The following PKHD1 variants were observed in gnomAD, a reference collection of about 807,000 sequenced individuals.
PKHD1 encodes PKHD1 ciliary IPT domain containing fibrocystin/polyductin.
A neutral mutation model predicts 412.0 loss-of-function variants in PKHD1; 291 were observed. The observed-to-expected ratio is 0.71, with a 90% CI of 0.64 to 0.78. The LOEUF (loss-of-function observed/expected upper bound fraction) is 0.78, where lower values mean the gene tolerates loss of function less well. PKHD1 is among the 30% of genes least tolerant of loss of function. PKHD1 has a pLI of 0.00. For synonymous variants in PKHD1, 1,777 were observed against 1,821.5 expected (o/e 0.98, Z 0.62); for missense variants, 4,825 against 4,950.7 (o/e 0.97, Z 0.76).
intron 27 of PKHD1, among the ~76,000 whole-genome samples, chr6:52,041,268 C>A (rs541244847): frequency 1.3e-5 from 2 of 152,294 alleles, no homozygotes; most frequent in South Asian, 4.1e-4. Context: ...TTTAAATACC[C>A]CAGAGCATCA....
intron 21 of PKHD1, 56 bp from the exon 22 acceptor site, chr6:52,050,351 G>A: frequency 8.2e-6 from 13 of 1,579,578 alleles, no homozygotes; most frequent in South Asian, 3.3e-5. Flanking sequence ...GACTTGCTGT[G>A]TGGAAAATCC....
chr6:51,743,239 C>T (rs1213616979), intron 60 of PKHD1, among the ~76,000 whole-genome samples: 1 of 151,780 alleles, frequency 6.6e-6, no homozygotes, highest in Non-Finnish European at 1.5e-5. Context: ...TAGTGAGAGA[C>T]AATGGTGGCT....
chr6:51,773,562 A>G (rs752666610), intron 54 of PKHD1, among the ~76,000 whole-genome samples: 5 of 151,540 alleles, frequency 3.3e-5, no homozygotes, highest in African/African-American at 7.2e-5. Context: ...TAAAAAATAT[A>G]CACATATATG....
chr6:52,014,694 CTGGATAGATGGATGGATGGATGGATGGA>C (rs1324110330), intron 34 of PKHD1, among the ~76,000 whole-genome samples: 73 of 121,686 alleles, frequency 6.0e-4, no homozygotes, highest in Non-Finnish European at 9.8e-4. Context: ...GATGAATATA[CTGGATAGATGGATGGATGGATGGATGGA>C]TGGATGGATG....
chr6:51,997,254 T>A (rs1300775377), intron 35 of PKHD1, among the ~76,000 whole-genome samples: 1 of 152,134 alleles, frequency 6.6e-6, no homozygotes, highest in African/African-American at 2.4e-5. Context: ...GGAAGAGACA[T>A]GGAAAGAGCC....
intron 47 of PKHD1, among the ~76,000 whole-genome samples, chr6:51,868,564 T>C (rs992384083): frequency 6.6e-6 from 1 of 152,078 alleles, no homozygotes; most frequent in African/African-American, 2.4e-5. Context: ...AAAATGCCAA[T>C]AGTGCCAAGG....
chr6:51,657,949 C>A (rs1027453219), intron 61 of PKHD1, among the ~76,000 whole-genome samples: 1 of 151,984 alleles, frequency 6.6e-6, no homozygotes, highest in South Asian at 2.1e-4. Context: ...TCTCTCTAGA[C>A]AAAAATTATT....
intron 37 of PKHD1, among the ~76,000 whole-genome samples, chr6:51,928,429 G>A (rs1583419883): frequency 6.6e-6 from 1 of 152,262 alleles, no homozygotes; most frequent in East Asian, 1.9e-4. Flanking sequence ...CTAAAATTGT[G>A]TCGGTTGCAT....
intron 55 of PKHD1, among the ~76,000 whole-genome samples, chr6:51,758,013 AAAGAGAGAGAGAGAG>A (rs1562245570): frequency 3.0e-5 from 3 of 99,428 alleles, no homozygotes. Context: ...GACCCTGCCA[AAAGAGAGAGAGAGAG>A]AGAGAGAGAG....
rs147430842 is a variant in PKHD1 at position 51,771,126 on chromosome 6, T to C, written c.8642+1576A>G. On this transcript the variant is annotated intron_variant, in intron 55 of 66. Transcript: ENST00000371117. ...AAATCTATCCCTTGAAATACATCTCTTTATATATAAATGTATGTATATTAA... is the reference window on the plus strand; with the variant it reads ...AAATCTATCCCTTGAAATACATCTCCTTATATATAAATGTATGTATATTAA... Among the ~76,000 whole-genome samples, 173 of 152,204 alleles carry C rather than the reference T, an allele frequency of 1.1e-3. 1 individual carries two copies. The highest frequency in any genetic ancestry group is 4.0e-3 in the African/African-American group (166 of 41,542).
chr6:51,912,523 C>T lies in PKHD1; in HGVS notation c.6175G>A (p.Asp2059Asn), dbSNP rs749468922. The T allele has an allele frequency of 1.2e-6, 2 of 1,613,386 alleles. No homozygotes were observed. The highest frequency in any genetic ancestry group is 1.7e-6 in the Non-Finnish European group (2 of 1,179,488). ...TCLRATAHALDTVLALEDAVD... is the reference protein window; with the variant it reads ...TCLRATAHALNTVLALEDAVD... The stretch of plus-strand genomic sequence containing the variant: ...GCATCTTCTAAAGCCAGCACTGTGT[C>T]TAGGGCATGGGCAGTTGCTCTAAGA... The change falls in exon 38 of 67, where the codon GAC (aspartate) becomes AAC (asparagine). Residue 2059 changes from aspartate to asparagine, a missense_variant. Physicochemically the swap from Asp to Asn is conservative, Grantham distance 23. Transcript: ENST00000371117.
Position 51,962,341 on chromosome 6 carries a change from T to C in PKHD1, c.5752-2315A>G, listed in dbSNP as rs75737641. Among the ~76,000 whole-genome samples, 96 of 152,272 alleles carry C rather than the reference T, an allele frequency of 6.3e-4. 2 individuals are homozygous for C. In the East Asian group the frequency reaches 0.017, roughly 27 times the overall value. ...ATTTAAGTGGGTCAAAGGTAGACTA[T>C]TTCATGGTGTTATCCATTAATTAAT... On this transcript the variant is annotated intron_variant, in intron 35 of 66. Transcript: ENST00000371117.
intron 6 of PKHD1, among the ~76,000 whole-genome samples, chr6:52,074,494 G>A (rs566058248): frequency 8.5e-5 from 13 of 152,260 alleles, no homozygotes; most frequent in Non-Finnish European, 1.8e-4. Flanking sequence ...ATTTTAATAG[G>A]GCTAAATGAT....
intron 60 of PKHD1, among the ~76,000 whole-genome samples, chr6:51,666,816 T>C (rs1278581036): frequency 1.3e-5 from 2 of 151,650 alleles, no homozygotes; most frequent in Non-Finnish European, 1.5e-5. Context: ...GTTCTTGCGA[T>C]AGTTTACTGA....
chr6:51,854,368 G>A (rs1583045735), intron 49 of PKHD1, among the ~76,000 whole-genome samples: 1 of 152,126 alleles, frequency 6.6e-6, no homozygotes, highest in East Asian at 1.9e-4. Context: ...CCTGTATAGG[G>A]TGTCTGACAA....
At chr6:51,693,967 CT>C (rs1405565803) in intron 60 of PKHD1, among the ~76,000 whole-genome samples, 2 of 152,128 alleles carry the variant, frequency 1.3e-5, no homozygotes, top group Non-Finnish European at 2.9e-5. Flanking sequence ...TTCAAACCCC[CT>C]GTCCTTGACC....
At chr6:51,694,829 C>T (rs1047900694) in intron 60 of PKHD1, among the ~76,000 whole-genome samples, 6 of 152,056 alleles carry the variant, frequency 3.9e-5, no homozygotes. Context: ...ACAGTCACAT[C>T]ACTTCTGACC....
intron 60 of PKHD1, chr6:51,741,147 C>T: frequency 5.8e-6 from 3 of 518,918 alleles, no homozygotes; most frequent in Non-Finnish European, 1.2e-5. Context: ...GCAGCAAGAA[C>T]ATATTTGTGC....
chr6:51,750,517 G>A (rs1480371987), intron 57 of PKHD1, among the ~76,000 whole-genome samples: 1 of 152,094 alleles, frequency 6.6e-6, no homozygotes, highest in Non-Finnish European at 1.5e-5. Flanking sequence ...GAGATGTGTA[G>A]GGCACGGCAT....
Sources: gnomAD v4.1 joint callset for allele counts (sites outside exome capture counted in the v4.1 genomes callset) on GRCh38, gnomAD v4.1.1 for gene constraint, MANE v1.5 for transcripts, NCBI Gene and HGNC (gene_info 2026-07-23, HGNC 2026-07-21) for gene names.